ZFYVE1: variants seen among roughly 807,000 people sequenced by gnomAD.
ZFYVE1 encodes the protein zinc finger FYVE-type containing 1, also known as zinc finger FYVE domain-containing protein 1.
ZFYVE1 carries 30 observed loss-of-function variants against 74.4 expected under a neutral mutation model. The ratio of observed to expected loss-of-function variants is 0.40; its 90% CI spans 0.30 to 0.55. The LOEUF (loss-of-function observed/expected upper bound fraction) is 0.55. Ranked by LOEUF, ZFYVE1 falls within the 20% of genes least tolerant of loss-of-function variation. ZFYVE1 has a pLI of 0.42. For missense variants in ZFYVE1, 703 were observed against 1,011.6 expected, an observed-to-expected ratio of 0.69 and a Z score of 4.14; for synonymous variants, 335 against 385.1, an observed-to-expected ratio of 0.87 and a Z score of 1.52.
rs528495914 is a variant in ZFYVE1 at position 73,014,948 on chromosome 14, T to C, written c.483+9078A>G. Reference sequence around the variant, plus strand: ...CCCAGTTTGTGGTAAAGAATTCCCATACAGGGCCGGGTGCAGTGGCTCATG... The same window carrying C: ...CCCAGTTTGTGGTAAAGAATTCCCACACAGGGCCGGGTGCAGTGGCTCATG... On this transcript the variant is annotated intron_variant, in intron 2 of 11. Coordinates refer to ENST00000556143, the MANE Select transcript of ZFYVE1 (RefSeq NM_021260.4). 3.9e-5 allele frequency among the ~76,000 whole-genome samples: 6 copies of C among 152,090 alleles called. No homozygotes were observed. In the East Asian group the frequency reaches 9.7e-4, roughly 25 times the overall value.
chr14:72,974,261 A>C (rs982066454), intron 10 of ZFYVE1, 68 bp from the exon 11 acceptor site: 1 of 1,440,582 alleles, frequency 6.9e-7, no homozygotes, highest in East Asian at 2.3e-5. Flanking sequence ...CTCAGGGACC[A>C]ATAGCAGAAC....
chr14:73,023,415 T>TTATA (rs1010790245), intron 2 of ZFYVE1, among the ~76,000 whole-genome samples: 2 of 136,530 alleles, frequency 1.5e-5, no homozygotes, highest in African/African-American at 5.6e-5. Context: ...AATATATATT[T>TTATA]TATGTTTTAT....
chr14:73,002,741 CTTTTTTT>C (rs532732428), intron 2 of ZFYVE1, among the ~76,000 whole-genome samples: 116 of 127,490 alleles, frequency 9.1e-4, no homozygotes, highest in Middle Eastern at 4.5e-3. Context: ...GTTGCTTTTT[CTTTTTTT>C]TTTTTTTTTC....
chr14:73,023,444 TTA>T (rs3061085), intron 2 of ZFYVE1, among the ~76,000 whole-genome samples: 20,366 of 133,678 alleles, frequency 0.15, 2,063 homozygotes, highest in South Asian at 0.22. Context: ...TATATATATT[TTA>T]TATATGTTTT....
At chr14:72,982,342 G>A (rs1241446619) in intron 4 of ZFYVE1, among the ~76,000 whole-genome samples, 2 of 151,328 alleles carry the variant, frequency 1.3e-5, no homozygotes, top group Non-Finnish European at 2.9e-5. Flanking sequence ...CACTTACTTG[G>A]AGTTTACTAG....
chr14:72,992,060 C>A (rs1310348639), intron 4 of ZFYVE1, among the ~76,000 whole-genome samples: 1 of 152,066 alleles, frequency 6.6e-6, no homozygotes, highest in Non-Finnish European at 1.5e-5. Flanking sequence ...GAGTGCGCCA[C>A]CATGCCCGGC....
chr14:72,980,023 A>G (rs1162180553), intron 5 of ZFYVE1, among the ~76,000 whole-genome samples: 1 of 152,220 alleles, frequency 6.6e-6, no homozygotes. Context: ...TGGGAAAGCA[A>G]TGATCCAACA....
chr14:72,995,625 G>T (rs1893725906), intron 3 of ZFYVE1, among the ~76,000 whole-genome samples: 2 of 152,132 alleles, frequency 1.3e-5, no homozygotes. Flanking sequence ...ATCCAAAGTG[G>T]CATAAAAGTA....
rs1027113382 is a variant in ZFYVE1, at chr14:73,024,758, G to A, written c.-250C>T. On this transcript the variant is annotated 5_prime_UTR_variant, in exon 2 of 12. Coordinates refer to ENST00000556143, the MANE Select transcript of ZFYVE1 (RefSeq NM_021260.4). ...GTTTGATGGTTTCATCCTCCATAAA[G>A]TGCAAGCAAAGATGTGGTCAAAATT... 4.1e-5 allele frequency: 19 copies of A among 464,848 alleles called. No homozygotes were observed. The highest frequency in any genetic ancestry group is 2.4e-4 in the South Asian group (6 of 24,498). 28.8% of individuals were successfully genotyped at this position (464,848 alleles called of 1,614,324 possible).
intron 5 of ZFYVE1, among the ~76,000 whole-genome samples, chr14:72,980,261 A>C (rs1893286203): frequency 6.6e-6 from 1 of 152,242 alleles, no homozygotes; most frequent in Non-Finnish European, 1.5e-5. Flanking sequence ...ATGACCATTC[A>C]TAACAGATGT....
chr14:72,986,563 C>CTT (rs751115992), intron 4 of ZFYVE1, among the ~76,000 whole-genome samples: 16 of 136,774 alleles, frequency 1.2e-4, no homozygotes, highest in South Asian at 6.8e-4. Flanking sequence ...TCAGCTTTTC[C>CTT]TTTTTTTTTT....
intron 4 of ZFYVE1, among the ~76,000 whole-genome samples, chr14:72,992,486 G>A (rs1026624296): frequency 6.6e-6 from 1 of 152,068 alleles, no homozygotes. Flanking sequence ...TTGGTGTAAG[G>A]ATTAAGTGAA....
Position 72,993,307 on chromosome 14 carries a change from G to T in ZFYVE1, c.1039C>A (p.Leu347Met). Residue 347 changes from leucine (L) to methionine (M), a missense_variant, in exon 4 of 12, where the codon CTG becomes ATG. This residue lies in a region of ZFYVE1 where 492 missense variants were observed against 790.0 expected (regional missense o/e 0.62). Transcript: ENST00000556143. ...CTAAAGGCTTCAGGGAAACGGCCCA[G>T]CTTCCGGAACCGGTCCTGGATGAGC... ...EKLIQDRFRKLGRFPEAFSSI... is the reference protein window; with the variant it reads ...EKLIQDRFRKMGRFPEAFSSI... 1 of 1,613,446 alleles carries T rather than the reference G, an allele frequency of 6.2e-7. No homozygotes were observed. Among genetic ancestry groups the T allele is most frequent in the Non-Finnish European group, 8.5e-7 (1 of 1,179,930 alleles).
Position 72,974,135 on chromosome 14 carries a change from G to A in ZFYVE1, c.2046C>T (p.Gly682=), listed in dbSNP as rs778858299. Residue 682 remains glycine (G), a synonymous_variant, in exon 11 of 12, where the codon GGC becomes GGT. Coordinates refer to ENST00000556143, the MANE Select transcript of ZFYVE1 (RefSeq NM_021260.4). ...CTCCCAGAGTGTTCTGCACGGCCTC[G>A]CCCACCTTCCGAGCAATGAGCGTTC... ...EGGTLIARKV[G]EAVQNTLGAV... 6.2e-7 allele frequency: 1 copy of A among 1,614,078 alleles called. No homozygotes were observed. Among genetic ancestry groups the A allele is most frequent in the Non-Finnish European group, 8.5e-7 (1 of 1,179,984 alleles).
At chr14:73,017,860 T>C (rs939322114) in intron 2 of ZFYVE1, among the ~76,000 whole-genome samples, 1 of 152,210 alleles carries the variant, frequency 6.6e-6, no homozygotes, top group African/African-American at 2.4e-5. Context: ...CTATAGCTTC[T>C]ATCAGGTCCT....
At chr14:72,974,678 G>A (rs1893119460) in intron 10 of ZFYVE1, 101 bp downstream of exon 10, 2 of 1,420,310 alleles carry the variant, frequency 1.4e-6, no homozygotes, top group Admixed American at 4.6e-5. Flanking sequence ...CTCTCACAAG[G>A]GAGATGTGGA....
At chr14:72,982,694 G>A (rs1318593648) in intron 4 of ZFYVE1, among the ~76,000 whole-genome samples, 10 of 152,182 alleles carry the variant, frequency 6.6e-5, no homozygotes, top group Admixed American at 6.5e-4. Flanking sequence ...CAGCCCCAGT[G>A]TGAAGAAGCC....
chr14:73,005,088 C>G (rs914261602), intron 2 of ZFYVE1, among the ~76,000 whole-genome samples: 7 of 152,018 alleles, frequency 4.6e-5, no homozygotes, highest in African/African-American at 1.7e-4. Context: ...ACTGAAACCA[C>G]ACTTCTCTGG....
chr14:72,998,024 T>A lies in ZFYVE1; in HGVS notation c.775A>T (p.Ile259Phe). 6.2e-7 allele frequency: 1 copy of A among 1,614,048 alleles called. No homozygotes were observed. Among genetic ancestry groups the A allele is most frequent in the Non-Finnish European group, 8.5e-7 (1 of 1,179,992 alleles). The change falls in exon 3 of 12, where the codon ATC becomes TTC. Residue 259 changes from isoleucine to phenylalanine, a missense_variant. Transcript: ENST00000556143. ...GTTCGATAGATGACGAGGTCTGAGATGGCCAGGACCTTAAGCAGCAGCCGT... is the reference window on the plus strand; with the variant it reads ...GTTCGATAGATGACGAGGTCTGAGAAGGCCAGGACCTTAAGCAGCAGCCGT... ...RTRLLLKVLA[I>F]SDLVIYRTHA...
Sources: gnomAD v4.1 joint callset for allele counts (sites outside exome capture counted in the v4.1 genomes callset) on GRCh38, gnomAD v4.1.1 for gene constraint, gnomAD v4.1.1 regional missense constraint, MANE v1.5 for transcripts, NCBI Gene and HGNC (gene_info 2026-07-23, HGNC 2026-07-21) for gene names.